ZFAT: variants seen among roughly 807,000 people sequenced by gnomAD.
ZFAT encodes the protein zinc finger and AT-hook domain containing, also known as zinc finger protein ZFAT.
A neutral mutation model predicts 117.7 loss-of-function variants in ZFAT; 64 were observed. That is an observed-to-expected ratio of 0.54 (90% CI 0.44 to 0.67). The LOEUF (loss-of-function observed/expected upper bound fraction) is 0.67, where lower values mean the gene tolerates loss of function less well. ZFAT is among the 30% of genes least tolerant of loss of function. The pLI is 0.00. For synonymous variants in ZFAT, 679 were observed against 615.0 expected (o/e 1.10, Z -1.54); for missense variants, 1,433 against 1,584.5 (o/e 0.90, Z 1.62).
In ZFAT at chr8:134,601,763, G is replaced by A. The variant is rs771168915; in HGVS notation, c.1956C>T (p.Ser652=). The change falls in exon 6 of 16, where the codon AGC becomes AGT. Residue 652 remains serine (S), a synonymous_variant. Coordinates refer to ENST00000377838, the MANE Select transcript of ZFAT (RefSeq NM_020863.4). ...CCATGTTCTGCCCTTCCCCTAGGGGGCTCTGGGCGCCATGGCTTTCCTGAT... is the reference window on the plus strand; with the variant it reads ...CCATGTTCTGCCCTTCCCCTAGGGGACTCTGGGCGCCATGGCTTTCCTGAT... ...GSDQESHGAQ[S]PLGEGQNMAV... The A allele has an allele frequency of 8.1e-6, 13 of 1,613,716 alleles. No individual in the cohort carries two copies. In the East Asian group the frequency reaches 8.9e-5, roughly 11 times the overall value.
At chr8:134,498,506 A>G (rs1200627822) in intron 15 of ZFAT, among the ~76,000 whole-genome samples, 9 of 4,434 alleles carry the variant, frequency 2.0e-3, no homozygotes, top group East Asian at 8.8e-3. Flanking sequence ...TTGGGGTGGA[A>G]CTGGGATGCC....
chr8:134,698,198 T>C, intron 1 of ZFAT, among the ~76,000 whole-genome samples: 1 of 151,852 alleles, frequency 6.6e-6, no homozygotes, highest in Non-Finnish European at 1.5e-5. Flanking sequence ...TGGTGGCAGA[T>C]GCCTGTAGTC....
chr8:134,737,715 AAATCAGGATGGACCTGGG>A, the ZFAT span, among the ~76,000 whole-genome samples: 1 of 152,182 alleles, frequency 6.6e-6, no homozygotes, highest in Non-Finnish European at 1.5e-5. Flanking sequence ...TTTTAACCTC[AAATCAGGATGGACCTGGG>A]AATCCATCAG....
chr8:134,570,280 ATT>A (rs1481429104), intron 10 of ZFAT, among the ~76,000 whole-genome samples: 2 of 152,110 alleles, frequency 1.3e-5, no homozygotes, highest in Non-Finnish European at 2.9e-5. Context: ...TTACTGATTC[ATT>A]TTTAGCATTT....
At chr8:134,481,614 GA>G (rs1817311858) in intron 15 of ZFAT, among the ~76,000 whole-genome samples, 1 of 152,188 alleles carries the variant, frequency 6.6e-6, no homozygotes, top group South Asian at 2.1e-4. Flanking sequence ...ACCACGCCAG[GA>G]CCAGGCCTTT....
chr8:134,492,680 C>T (rs1038472243), intron 15 of ZFAT, among the ~76,000 whole-genome samples: 3 of 152,130 alleles, frequency 2.0e-5, no homozygotes, highest in East Asian at 1.9e-4. Context: ...GCTTTCACAA[C>T]CCTAGGTGAA....
Position 134,637,453 on chromosome 8 carries a change from G to C in ZFAT, c.448+8C>G. On this transcript the variant is annotated splice_region_variant and intron_variant, in intron 3 of 15. Coordinates refer to ENST00000377838, the MANE Select transcript of ZFAT (RefSeq NM_020863.4). The stretch of plus-strand genomic sequence containing the variant: ...AATTGACATGTTCAGCCCTTTGGCA[G>C]CATTTACCTGCTTCTCCTTCCTCCT... 1 of 1,603,376 alleles carries C rather than the reference G, an allele frequency of 6.2e-7. No individual in the cohort carries two copies. Among genetic ancestry groups the C allele is most frequent in the Non-Finnish European group, 8.5e-7 (1 of 1,171,322 alleles).
At chr8:134,485,167 C>G (rs111349311) in intron 15 of ZFAT, among the ~76,000 whole-genome samples, 1 of 152,150 alleles carries the variant, frequency 6.6e-6, no homozygotes, top group Non-Finnish European at 1.5e-5. Context: ...GGGAGGATGA[C>G]AAGCTGCCCT....
chr8:134,727,190 A>G, the ZFAT span, among the ~76,000 whole-genome samples: 1 of 152,010 alleles, frequency 6.6e-6, no homozygotes, highest in Admixed American at 6.5e-5. Context: ...GCAGGAAGTG[A>G]AGTGAATGAA....
intron 11 of ZFAT, among the ~76,000 whole-genome samples, chr8:134,538,884 T>TA (rs35985366): frequency 0.34 from 51,029 of 151,460 alleles, 10,039 homozygotes; most frequent in Admixed American, 0.49. Context: ...TTGAATGTGT[T>TA]AAGGCTGAAA....
At chr8:134,817,436 CA>C in the ZFAT span, among the ~76,000 whole-genome samples, 64 of 126,906 alleles carry the variant, frequency 5.0e-4, no homozygotes, top group South Asian at 2.7e-3. Context: ...CACACACACA[CA>C]ACGCACCCTT....
intron 11 of ZFAT, among the ~76,000 whole-genome samples, chr8:134,541,733 T>C (rs1350810822): frequency 6.6e-6 from 1 of 152,202 alleles, no homozygotes; most frequent in Non-Finnish European, 1.5e-5. Flanking sequence ...CATGATCCAC[T>C]GAAAGATAAG....
At chr8:134,625,082 A>G (rs555564595) in intron 3 of ZFAT, among the ~76,000 whole-genome samples, 50 of 152,298 alleles carry the variant, frequency 3.3e-4, no homozygotes, top group African/African-American at 1.1e-3. Context: ...TTAATTATTG[A>G]TTACACCCAC....
intron 3 of ZFAT, among the ~76,000 whole-genome samples, chr8:134,618,658 T>C (rs1220686202): frequency 6.6e-6 from 1 of 152,222 alleles, no homozygotes; most frequent in Non-Finnish European, 1.5e-5. Context: ...TAAAATATTC[T>C]CTTTATGAGA....
At chr8:134,484,743 G>A (rs1817551445) in intron 15 of ZFAT, among the ~76,000 whole-genome samples, 1 of 152,224 alleles carries the variant, frequency 6.6e-6, no homozygotes, top group South Asian at 2.1e-4. Context: ...CTGGGCAGGG[G>A]CGAACGCCAA....
chr8:134,809,458 G>A, the ZFAT span, among the ~76,000 whole-genome samples: 11 of 152,158 alleles, frequency 7.2e-5, no homozygotes. Context: ...TTAAGAAATT[G>A]TTCTGGTTTG....
At chr8:134,514,078 G>A (rs943583888) in intron 13 of ZFAT, among the ~76,000 whole-genome samples, 1 of 152,234 alleles carries the variant, frequency 6.6e-6, no homozygotes, top group Non-Finnish European at 1.5e-5. Context: ...GCTGGTACTC[G>A]TTGCAAGGCA....
Position 134,652,447 on chromosome 8 carries a change from C to T in ZFAT, c.196+5114G>A, listed in dbSNP as rs536749451. Among the ~76,000 whole-genome samples the T allele has an allele frequency of 9.9e-5, 15 of 152,126 alleles. No homozygotes were observed. In the South Asian group the frequency reaches 2.3e-3, roughly 23 times the overall value. On this transcript the variant is annotated intron_variant, in intron 2 of 15. Transcript: ENST00000377838. The stretch of plus-strand genomic sequence containing the variant: ...GATGCAGATCCAAGGACTGAAGAGC[C>T]GGAAAGTCATAAATATGTAGCTAAA...
chr8:134,704,172 G>C (rs80144381), intron 1 of ZFAT, among the ~76,000 whole-genome samples: 2,908 of 152,240 alleles, frequency 0.019, 111 homozygotes, highest in African/African-American at 0.066. Flanking sequence ...TCCCTGTGGG[G>C]CTCTCTCCCC....
Sources: allele counts gnomAD v4.1 joint callset (sites outside exome capture counted in the v4.1 genomes callset), GRCh38; gene constraint gnomAD v4.1.1; transcripts MANE v1.5; gene names NCBI Gene and HGNC (gene_info 2026-07-23, HGNC 2026-07-21).